The following GRHPR variants were observed in gnomAD, a reference collection of about 807,000 sequenced individuals.
GRHPR encodes the protein glyoxylate and hydroxypyruvate reductase.
In GRHPR, 35 loss-of-function variants were observed where a neutral mutation model predicts 36.8. The observed-to-expected ratio is 0.95, with a 90% CI of 0.73 to 1.26. The LOEUF is 1.26. Among genes scored for constraint, GRHPR ranks in the 50% most tolerant of loss-of-function variants. The probability of loss-of-function intolerance (pLI) is 0.00; values close to 1 mark genes in which losing one functional copy is unlikely to be tolerated. For missense variants in GRHPR, 380 were observed against 435.0 expected, an observed-to-expected ratio of 0.87 and a Z score of 1.12; for synonymous variants, 179 against 181.0, an observed-to-expected ratio of 0.99 and a Z score of 0.09.
At position 37,425,950 on chromosome 9, in the gene GRHPR, G is replaced by A; in HGVS notation, c.243G>A (p.Met81Ile). 1.2e-6 allele frequency: 2 copies of A among 1,613,802 alleles called. No homozygotes were observed. Among genetic ancestry groups the A allele is most frequent in the Non-Finnish European group, 1.7e-6 (2 of 1,179,674 alleles). ...CCAATCTCAAAGTCATCAGCACCATGTCTGTGGGCATCGACCACTTGGCTT... is the reference window on the plus strand; with the variant it reads ...CCAATCTCAAAGTCATCAGCACCATATCTGTGGGCATCGACCACTTGGCTT... The part of the protein sequence containing the change: ...AGANLKVIST[M>I]SVGIDHLALD... The change falls in exon 3 of 9, where the codon ATG (methionine) becomes ATA (isoleucine). Residue 81 changes from methionine to isoleucine, a missense_variant. Met to Ile is a conservative substitution (Grantham distance 10, BLOSUM62 1). Coordinates refer to ENST00000318158, the MANE Select transcript of GRHPR (RefSeq NM_012203.2).
chr9:37,430,476 G>A (rs1823307798), intron 6 of GRHPR, 35 bp from the exon 7 acceptor site: 2 of 1,601,948 alleles, frequency 1.2e-6, no homozygotes, highest in Non-Finnish European at 1.7e-6. Context: ...CCTAGCCTGG[G>A]ACTCAGTGCC....
intron 1 of GRHPR, 62 bp downstream of exon 1, chr9:37,422,895 C>A (rs944221793): frequency 3.1e-6 from 4 of 1,276,002 alleles, no homozygotes; most frequent in Non-Finnish European, 4.4e-6. Context: ...GAGAGCCGGG[C>A]GGGGCGTTTG....
At chr9:37,438,082 G>A (rs1031192800), downstream of GRHPR, 18 of 152,158 alleles carry the variant, frequency 1.2e-4, no homozygotes, top group Non-Finnish European at 2.5e-4. Context: ...CCTTAATAAC[G>A]TAAAGAAAAA....
At position 37,426,606 on chromosome 9, in the gene GRHPR, T is replaced by C; in HGVS notation, c.356T>C (p.Leu119Pro). Reference protein sequence around the residue: ...DTTAELAVSLLLTTCRRLPEA... With the variant: ...DTTAELAVSLPLTTCRRLPEA... The stretch of plus-strand genomic sequence containing the variant: ...ACCGCCGAACTCGCAGTCTCCCTGC[T>C]ACTTACCACCTGCCGCCGGTTGCCG... Residue 119 changes from leucine to proline, a missense_variant, in exon 4 of 9, where the codon CTA (leucine) becomes CCA (proline). Physicochemically the swap from Leu to Pro is moderately conservative, Grantham distance 98. Coordinates refer to ENST00000318158, the MANE Select transcript of GRHPR (RefSeq NM_012203.2). The C allele has an allele frequency of 6.2e-7, 1 of 1,613,928 alleles. No homozygotes were observed. Among genetic ancestry groups the C allele is most frequent in the Non-Finnish European group, 8.5e-7 (1 of 1,179,802 alleles).
At chr9:37,431,114 C>T (rs1484382465) in intron 7 of GRHPR, 11 of 445,678 alleles carry the variant, frequency 2.5e-5, no homozygotes, top group South Asian at 1.7e-4. Context: ...CTCACACTGT[C>T]CCTAGGGGTG....
chr9:37,422,908 C>T, intron 1 of GRHPR, 75 bp downstream of exon 1: 1 of 1,093,976 alleles, frequency 9.1e-7, no homozygotes, highest in Non-Finnish European at 1.3e-6. Context: ...GGCGTTTGGG[C>T]CTTGTGGCCG....
intron 5 of GRHPR, 53 bp downstream of exon 5, chr9:37,428,625 C>A: frequency 8.5e-7 from 1 of 1,174,292 alleles, no homozygotes. Context: ...GCGTGGTTTG[C>A]ATCCCTGGCA....
intron 1 of GRHPR, among the ~76,000 whole-genome samples, chr9:37,423,506 C>G (rs1475914284): frequency 2.0e-5 from 3 of 151,902 alleles, no homozygotes; most frequent in Non-Finnish European, 4.4e-5. Flanking sequence ...CAGGGTCTCA[C>G]TCTCATCCAG....
At chr9:37,428,922 C>T (rs538445999) in intron 5 of GRHPR, 10 of 402,802 alleles carry the variant, frequency 2.5e-5, no homozygotes, top group Admixed American at 7.0e-5. Context: ...CTCCGGCTTG[C>T]GTTCTGGAAG....
intron 4 of GRHPR, 48 bp from the exon 5 acceptor site, chr9:37,428,436 T>C: frequency 8.1e-7 from 1 of 1,233,140 alleles, no homozygotes; most frequent in Non-Finnish European, 1.2e-6. Context: ...GCGGCCCCCA[T>C]CTTGGTCCAA....
chr9:37,433,504 G>A (rs767819440), intron 8 of GRHPR, among the ~76,000 whole-genome samples: 1 of 152,160 alleles, frequency 6.6e-6, no homozygotes, highest in African/African-American at 2.4e-5. Context: ...AAAGTGCTGG[G>A]ATTACAGGCA....
In GRHPR at chr9:37,428,565, G is replaced by T. The variant is rs1246144644; in HGVS notation, c.486G>T (p.Gly162=). The change falls in exon 5 of 9, where the codon GGG becomes GGT. Residue 162 remains glycine, a synonymous_variant. Coordinates refer to ENST00000318158, the MANE Select transcript of GRHPR (RefSeq NM_012203.2). ...TQSTVGIIGL[G]RIGQAIARRL... is the part of the protein sequence containing the mutation. ...GCACTGTCGGCATCATCGGGCTGGG[G>T]CGCATAGGTGAGGCTCCCACCGGCC... 2.5e-6 allele frequency: 4 copies of T among 1,605,252 alleles called. No individual in the cohort carries two copies. In the Admixed American group the frequency reaches 6.7e-5, roughly 27 times the overall value.
intron 4 of GRHPR, 144 bp from the exon 5 acceptor site, chr9:37,428,335 TGCCGA>T: frequency 1.4e-6 from 1 of 699,486 alleles, no homozygotes; most frequent in Non-Finnish European, 2.6e-6. Context: ...TCATCTGCAG[TGCCGA>T]GTGGCAGTGC....
intron 7 of GRHPR, 60 bp downstream of exon 7, chr9:37,430,706 C>T (rs771524875): frequency 2.6e-6 from 4 of 1,526,690 alleles, no homozygotes; most frequent in Non-Finnish European, 3.6e-6. Context: ...CTGCTGCCAT[C>T]TGGAGATTTT....
intron 6 of GRHPR, 128 bp from the exon 7 acceptor site, chr9:37,430,383 G>C (rs1055386503): frequency 2.9e-5 from 23 of 803,872 alleles, no homozygotes; most frequent in Non-Finnish European, 5.0e-5. Context: ...TGTCCAGGTA[G>C]AGACTCGGCC....
intron 6 of GRHPR, 33 bp from the exon 7 acceptor site, chr9:37,430,478 C>G: frequency 1.9e-6 from 3 of 1,604,992 alleles, no homozygotes; most frequent in Non-Finnish European, 2.6e-6. Context: ...TAGCCTGGGA[C>G]TCAGTGCCTG....
chr9:37,436,820 GC>G lies in GRHPR; in HGVS notation c.*41del, dbSNP rs772661509. 3 of 1,612,644 alleles carry G rather than the reference GC, an allele frequency of 1.9e-6. No individual in the cohort carries two copies. In the South Asian group the frequency reaches 3.3e-5, roughly 18 times the overall value. On this transcript the variant is annotated 3_prime_UTR_variant, in exon 9 of 9. Transcript: ENST00000318158. Reference sequence around the variant, plus strand: ...GATGGAGGGCCGGGAAGCAAACCGTGCCCTGGTATTGTCAGACACACCCAGG... The same window carrying G: ...GATGGAGGGCCGGGAAGCAAACCGTGCCTGGTATTGTCAGACACACCCAGG...
rs796052080 is a variant in GRHPR, at chr9:37,424,830, TCC to T, written c.84-13_84-12del. The T allele has an allele frequency of 4.2e-5, 68 of 1,612,078 alleles. No individual in the cohort carries two copies. The South Asian group carries it at 7.5e-4, about 18-fold the overall frequency. On this transcript the variant is annotated splice_polypyrimidine_tract_variant and intron_variant, in intron 1 of 8. Transcript: ENST00000318158. ...GCGGCTCCTGCTTCTCCTGAGGGCCTCCCTTTCCCCGCAGCTGTGAGGTGGAG... is the reference window on the plus strand; with the variant it reads ...GCGGCTCCTGCTTCTCCTGAGGGCCTCTTTCCCCGCAGCTGTGAGGTGGAG...
chr9:37,426,601 C>T lies in GRHPR; in HGVS notation c.351C>T (p.Ser117=), dbSNP rs778134721. The T allele has an allele frequency of 1.2e-6, 2 of 1,613,846 alleles. No individual in the cohort carries two copies. Among genetic ancestry groups the T allele is most frequent in the African/African-American group, 1.3e-5 (1 of 74,916 alleles). The change falls in exon 4 of 9, where the codon TCC becomes TCT. Residue 117 remains serine (S), a synonymous_variant. Coordinates refer to ENST00000318158, the MANE Select transcript of GRHPR (RefSeq NM_012203.2). ...LTDTTAELAV[S]LLLTTCRRLP... Reference sequence around the variant, plus strand: ...ATACCACCGCCGAACTCGCAGTCTCCCTGCTACTTACCACCTGCCGCCGGT... The same window carrying T: ...ATACCACCGCCGAACTCGCAGTCTCTCTGCTACTTACCACCTGCCGCCGGT...
Sources: gnomAD v4.1 joint callset for allele counts (sites outside exome capture counted in the v4.1 genomes callset) on GRCh38, gnomAD v4.1.1 for gene constraint, MANE v1.5 for transcripts, NCBI Gene and HGNC (gene_info 2026-07-23, HGNC 2026-07-21) for gene names.